CFAP299: variants seen among roughly 807,000 people sequenced by gnomAD.
CFAP299 encodes cilia and flagella associated protein 299, also known as cilia- and flagella-associated protein 299.
Under a neutral mutation model 27.0 loss-of-function variants are expected in CFAP299, and 21 were observed. The observed-to-expected ratio is 0.78, with a 90% confidence interval of 0.55 to 1.12. The LOEUF (loss-of-function observed/expected upper bound fraction) is 1.12, where lower values mean the gene tolerates loss of function less well. Ranked by LOEUF, CFAP299 falls within the 50% of genes most tolerant of loss-of-function variation. The probability of loss-of-function intolerance (pLI) is 0.00; values close to 1 mark genes in which losing one functional copy is unlikely to be tolerated. For synonymous variants in CFAP299, 104 were observed against 98.1 expected, an observed-to-expected ratio of 1.06 and a Z score of -0.36; for missense variants, 310 against 276.6, an observed-to-expected ratio of 1.12 and a Z score of -0.86.
chr4:80,611,552 T>C (rs919010047), intron 3 of CFAP299, among the ~76,000 whole-genome samples: 1 of 152,096 alleles, frequency 6.6e-6, no homozygotes, highest in African/African-American at 2.4e-5. Context: ...CAGGTGCACC[T>C]GTGTAGCCAC....
intron 3 of CFAP299, among the ~76,000 whole-genome samples, chr4:80,592,005 A>G (rs973587217): frequency 1.3e-5 from 2 of 152,230 alleles, no homozygotes; most frequent in Non-Finnish European, 2.9e-5. Context: ...ACTGGAGTCT[A>G]TGGATTCACA....
At chr4:80,327,879 G>A in the CFAP299 span, among the ~76,000 whole-genome samples, 9 of 151,242 alleles carry the variant, frequency 6.0e-5, no homozygotes, top group Non-Finnish European at 1.3e-4. Flanking sequence ...GTTTAGCCAA[G>A]GTGGTGGAAT....
At chr4:80,831,334 A>C (rs1376350173) in intron 3 of CFAP299, among the ~76,000 whole-genome samples, 1 of 152,180 alleles carries the variant, frequency 6.6e-6, no homozygotes, top group Non-Finnish European at 1.5e-5. Context: ...TAATTCTATT[A>C]TCAGTGTTTT....
At chr4:80,410,613 T>C (rs181342836) in intron 2 of CFAP299, among the ~76,000 whole-genome samples, 208 of 152,308 alleles carry the variant, frequency 1.4e-3, no homozygotes, top group African/African-American at 4.8e-3. Flanking sequence ...TATAGAACTG[T>C]ATTGCATGTG....
chr4:80,583,100 A>C lies in CFAP299; in HGVS notation c.250A>C (p.Thr84Pro). 5 of 1,600,502 alleles carry C rather than the reference A, an allele frequency of 3.1e-6. No individual in the cohort carries two copies. The highest frequency in any genetic ancestry group is 3.4e-6 in the Non-Finnish European group (4 of 1,171,482). The change falls in exon 3 of 6, where the codon ACA (threonine) becomes CCA (proline). Residue 84 changes from threonine (T) to proline (P), a missense_variant. Transcript: ENST00000358105. ...AAGATCTGCCTTTTACAGGACGCTA[A>C]CAAGTGCTGGTAAAGACCTACAAGA... ...LAERAQQKTL[T>P]SAGKDLQDNF...
At chr4:80,390,612 T>TAC (rs1213862093) in intron 2 of CFAP299, among the ~76,000 whole-genome samples, 1 of 127,530 alleles carries the variant, frequency 7.8e-6, no homozygotes, top group African/African-American at 3.5e-5. Context: ...TATACACACA[T>TAC]ATGTATATAT....
chr4:80,596,489 A>G (rs1167099322), intron 3 of CFAP299, among the ~76,000 whole-genome samples: 3 of 152,104 alleles, frequency 2.0e-5, no homozygotes, highest in African/African-American at 7.2e-5. Flanking sequence ...GGGCTTTTTA[A>G]GGTTAAAATT....
intron 2 of CFAP299, among the ~76,000 whole-genome samples, chr4:80,518,581 T>G (rs1003210659): frequency 2.0e-5 from 3 of 152,084 alleles, no homozygotes; most frequent in Non-Finnish European, 4.4e-5. Flanking sequence ...TAGCACATCG[T>G]TTTAAGAGGG....
intron 4 of CFAP299, among the ~76,000 whole-genome samples, chr4:80,933,161 CT>C (rs1216804665): frequency 2.1e-5 from 3 of 146,232 alleles, no homozygotes; most frequent in African/African-American, 7.6e-5. Flanking sequence ...TCTTTCTTTC[CT>C]TTCCTTTCTT....
intron 3 of CFAP299, among the ~76,000 whole-genome samples, chr4:80,864,526 A>AGG (rs1732595133): frequency 6.8e-6 from 1 of 147,602 alleles, no homozygotes; most frequent in Non-Finnish European, 1.5e-5. Flanking sequence ...ATACGTATAT[A>AGG]TACATATACG....
chr4:80,739,867 C>A (rs1724152063), intron 3 of CFAP299, among the ~76,000 whole-genome samples: 3 of 151,560 alleles, frequency 2.0e-5, no homozygotes, highest in Admixed American at 1.3e-4. Context: ...ATTCTTTTTT[C>A]TTTTGTCTCC....
chr4:80,926,527 G>A (rs1480016227), intron 4 of CFAP299, among the ~76,000 whole-genome samples: 1 of 151,948 alleles, frequency 6.6e-6, no homozygotes, highest in African/African-American at 2.4e-5. Context: ...AGATTAAAGA[G>A]ATGGAATCTG....
At chr4:80,463,485 G>T (rs894576456) in intron 2 of CFAP299, among the ~76,000 whole-genome samples, 2 of 152,164 alleles carry the variant, frequency 1.3e-5, no homozygotes, top group Non-Finnish European at 2.9e-5. Flanking sequence ...TGTTTGGGCT[G>T]CCGTAACAAA....
intron 3 of CFAP299, among the ~76,000 whole-genome samples, chr4:80,729,341 C>T (rs1723353990): frequency 6.6e-6 from 1 of 152,300 alleles, no homozygotes; most frequent in Non-Finnish European, 1.5e-5. Flanking sequence ...CAATGATCCA[C>T]ACCTCCTACT....
At chr4:80,924,538 G>GTATATATATATATA (rs1553906748) in intron 4 of CFAP299, among the ~76,000 whole-genome samples, 15 of 131,662 alleles carry the variant, frequency 1.1e-4, no homozygotes, top group African/African-American at 4.7e-4. Flanking sequence ...GTGTGTGTGT[G>GTATATATATATATA]TATATATATA....
intron 3 of CFAP299, among the ~76,000 whole-genome samples, chr4:80,857,024 T>C (rs1731948497): frequency 6.6e-6 from 1 of 152,122 alleles, no homozygotes; most frequent in Non-Finnish European, 1.5e-5. Flanking sequence ...TATTGATTCT[T>C]CCTACCCATG....
In CFAP299 at chr4:80,852,325, G is replaced by A. The variant is rs371064602; in HGVS notation, c.334-17668G>A. Among the ~76,000 whole-genome samples the A allele has an allele frequency of 5.3e-5, 8 of 152,264 alleles. No individual in the cohort carries two copies. In the South Asian group the frequency reaches 8.3e-4, roughly 16 times the overall value. On this transcript the variant is annotated intron_variant, in intron 3 of 5. Coordinates refer to ENST00000358105, the MANE Select transcript of CFAP299 (RefSeq NM_152770.3). Reference sequence around the variant, plus strand: ...GACCTACTGAATCTGAAACTCTGGGGATGGGACTCAGCAATCTGTGCTTTG... The same window carrying A: ...GACCTACTGAATCTGAAACTCTGGGAATGGGACTCAGCAATCTGTGCTTTG...
intron 2 of CFAP299, among the ~76,000 whole-genome samples, chr4:80,488,689 G>C (rs1045300112): frequency 6.6e-6 from 1 of 152,102 alleles, no homozygotes; most frequent in African/African-American, 2.4e-5. Flanking sequence ...TGTTAGCCAG[G>C]ATGGTCTCGA....
intron 2 of CFAP299, among the ~76,000 whole-genome samples, chr4:80,476,476 A>G (rs1730278039): frequency 6.6e-6 from 1 of 152,134 alleles, no homozygotes; most frequent in Non-Finnish European, 1.5e-5. Flanking sequence ...TAGGCAGTCC[A>G]TCTCCATGGC....
Sources: allele counts gnomAD v4.1 joint callset (sites outside exome capture counted in the v4.1 genomes callset), GRCh38; gene constraint gnomAD v4.1.1; transcripts MANE v1.5; gene names NCBI Gene and HGNC (gene_info 2026-07-23, HGNC 2026-07-21).